Variants in ITIH5 observed in about 807,000 individuals in gnomAD.
ITIH5 encodes the protein inter-alpha-trypsin inhibitor heavy chain 5.
Under a neutral mutation model 77.5 loss-of-function variants are expected in ITIH5, and 65 were observed. The ratio of observed to expected loss-of-function variants is 0.84; its 90% CI spans 0.69 to 1.03. The LOEUF is 1.03. ITIH5 is among the 50% of genes least tolerant of loss of function. The probability of loss-of-function intolerance (pLI) is 0.00; values close to 1 mark genes in which losing one functional copy is unlikely to be tolerated. For synonymous variants in ITIH5, 525 were observed against 494.3 expected (o/e 1.06, Z -0.82); for missense variants, 1,208 against 1,213.1 (o/e 1.00, Z 0.06).
intron 5 of ITIH5, chr10:7,617,485 T>G: frequency 2.5e-6 from 1 of 398,422 alleles, no homozygotes; most frequent in Admixed American, 4.4e-5. Flanking sequence ...TTTTGAACCT[T>G]TTCTTATGAA....
At chr10:7,584,642 C>T (rs1482463724) in intron 8 of ITIH5, among the ~76,000 whole-genome samples, 1 of 152,120 alleles carries the variant, frequency 6.6e-6, no homozygotes, top group African/African-American at 2.4e-5. Flanking sequence ...TCCATGGCCC[C>T]CACTCCACCA....
chr10:7,628,410 A>G (rs932156370), intron 5 of ITIH5, among the ~76,000 whole-genome samples: 1 of 152,228 alleles, frequency 6.6e-6, no homozygotes, highest in Admixed American at 6.5e-5. Context: ...TTCACTTAGC[A>G]TAATGTTTTC....
intron 7 of ITIH5, among the ~76,000 whole-genome samples, chr10:7,587,710 C>T (rs1380429223): frequency 6.6e-6 from 1 of 152,228 alleles, no homozygotes; most frequent in Non-Finnish European, 1.5e-5. Flanking sequence ...GATGGGTTTG[C>T]TGTTACTTGC....
At chr10:7,619,717 G>C (rs1051571429) in intron 5 of ITIH5, 16 of 197,330 alleles carry the variant, frequency 8.1e-5, no homozygotes, top group Non-Finnish European at 1.7e-4. Context: ...GAGATCTCGT[G>C]AGAACTCACT....
intron 5 of ITIH5, among the ~76,000 whole-genome samples, chr10:7,628,867 G>A (rs1386963947): frequency 1.5e-5 from 2 of 135,382 alleles, no homozygotes; most frequent in South Asian, 2.5e-4. Context: ...GTTGTAGCGT[G>A]TGTCCGTGTT....
In ITIH5 at chr10:7,560,654, A is replaced by G. The variant is rs1236854279; in HGVS notation, c.*2429T>C. On this transcript the variant is annotated 3_prime_UTR_variant, in exon 14 of 14. Coordinates refer to ENST00000397146, the MANE Select transcript of ITIH5 (RefSeq NM_030569.7). The stretch of plus-strand genomic sequence containing the variant: ...GAGATGCTGACTTGTTCAAGGTCCC[A>G]GTTAGTCAGTGATCATGACACATTA... 6.6e-6 allele frequency: 1 copy of G among 152,270 alleles called. No individual in the cohort carries two copies. Among genetic ancestry groups the G allele is most frequent in the Non-Finnish European group, 1.5e-5 (1 of 68,052 alleles). 9.4% of individuals were successfully genotyped at this position (152,270 alleles called of 1,614,324 possible). A position where few individuals can be genotyped will look rare whatever the true frequency, so the allele number is the denominator to read the frequency against.
chr10:7,563,432 T>C (rs772162750), intron 13 of ITIH5, 48 bp from the exon 14 acceptor site: 2 of 1,549,952 alleles, frequency 1.3e-6, no homozygotes, highest in East Asian at 4.5e-5. Flanking sequence ...TGCAGAAACC[T>C]CGTGCTGAAC....
At chr10:7,592,873 A>G (rs1414535351) in intron 7 of ITIH5, among the ~76,000 whole-genome samples, 1 of 152,036 alleles carries the variant, frequency 6.6e-6, no homozygotes, top group African/African-American at 2.4e-5. Flanking sequence ...AGCAGCATGC[A>G]GTGGCGGTGG....
Position 7,612,967 on chromosome 10 carries a change from G to A in ITIH5, c.939+3015C>T, listed in dbSNP as rs185936134. 3.9e-5 allele frequency among the ~76,000 whole-genome samples: 6 copies of A among 152,266 alleles called. No homozygotes were observed. The East Asian group carries it at 7.7e-4, about 20-fold the overall frequency. Reference sequence around the variant, plus strand: ...TTAAGAACTTGTAGTACACAGGGCCGGGCGCGGTGGCTCATGCCTGTAATC... The same window carrying A: ...TTAAGAACTTGTAGTACACAGGGCCAGGCGCGGTGGCTCATGCCTGTAATC... On this transcript the variant is annotated intron_variant, in intron 7 of 13. Transcript: ENST00000397146.
At chr10:7,659,908 G>C (rs1294938043) in intron 1 of ITIH5, among the ~76,000 whole-genome samples, 5 of 152,118 alleles carry the variant, frequency 3.3e-5, no homozygotes, top group African/African-American at 1.2e-4. Flanking sequence ...TATTGTTTGA[G>C]TGTTTTCCCG....
At chr10:7,577,619 TA>T (rs1327391107) in intron 9 of ITIH5, among the ~76,000 whole-genome samples, 1 of 152,248 alleles carries the variant, frequency 6.6e-6, no homozygotes, top group Non-Finnish European at 1.5e-5. Flanking sequence ...TTTGTGCGTA[TA>T]ACATTTGCTT....
intron 7 of ITIH5, among the ~76,000 whole-genome samples, chr10:7,610,048 C>T (rs1833210904): frequency 6.7e-6 from 1 of 149,292 alleles, no homozygotes; most frequent in African/African-American, 2.5e-5. Context: ...CTCCCCCCTC[C>T]CTTTCTTTTT....
chr10:7,658,486 G>C (rs1834223840), intron 1 of ITIH5, among the ~76,000 whole-genome samples: 1 of 152,164 alleles, frequency 6.6e-6, no homozygotes, highest in Admixed American at 6.5e-5. Context: ...GATTTATTCT[G>C]ATCCAAATAT....
chr10:7,604,949 G>A (rs112708013), intron 7 of ITIH5, among the ~76,000 whole-genome samples: 15,101 of 152,074 alleles, frequency 0.099, 943 homozygotes, highest in Middle Eastern at 0.18. Context: ...AGCCTCCTGA[G>A]TAGCTGGGAT....
chr10:7,639,155 C>T (rs956579879), intron 4 of ITIH5, among the ~76,000 whole-genome samples: 1 of 152,154 alleles, frequency 6.6e-6, no homozygotes, highest in Non-Finnish European at 1.5e-5. Flanking sequence ...CTTGCCACAG[C>T]AAGGGAGACC....
chr10:7,645,740 G>A (rs1040257659), intron 2 of ITIH5, among the ~76,000 whole-genome samples: 2 of 152,092 alleles, frequency 1.3e-5, no homozygotes, highest in East Asian at 1.9e-4. Context: ...GACAAAATCT[G>A]TCTCTCTCCT....
intron 9 of ITIH5, chr10:7,578,661 G>A (rs1048489620): frequency 1.6e-4 from 25 of 152,122 alleles, no homozygotes; most frequent in African/African-American, 5.8e-4. Flanking sequence ...ATTAATAAAT[G>A]TGCTTTGACT....
intron 1 of ITIH5, among the ~76,000 whole-genome samples, chr10:7,657,148 G>C (rs1258335241): frequency 6.7e-6 from 1 of 149,062 alleles, no homozygotes; most frequent in Non-Finnish European, 1.5e-5. Context: ...GGGTTCAAGC[G>C]ATTCCCCTGC....
intron 8 of ITIH5, among the ~76,000 whole-genome samples, chr10:7,582,127 G>A (rs763681438): frequency 7.2e-5 from 11 of 151,818 alleles, no homozygotes; most frequent in African/African-American, 7.3e-5. Context: ...TGCCCGCCTC[G>A]GCCTCCAAAG....
Sources: gnomAD v4.1 joint callset for allele counts (sites outside exome capture counted in the v4.1 genomes callset) on GRCh38, gnomAD v4.1.1 for gene constraint, MANE v1.5 for transcripts, NCBI Gene and HGNC (gene_info 2026-07-23, HGNC 2026-07-21) for gene names.